ATP6V0C: variants seen among roughly 807,000 people sequenced by gnomAD.
ATP6V0C encodes the protein V-type proton ATPase 16 kDa proteolipid subunit c.
ATP6V0C carries 2 observed loss-of-function variants against 10.6 expected under a neutral mutation model. The observed-to-expected ratio is 0.19, with a 90% CI of 0.08 to 0.59. The LOEUF (loss-of-function observed/expected upper bound fraction) is 0.59. ATP6V0C is among the 20% of genes least tolerant of loss of function. ATP6V0C has a pLI of 0.90. For missense variants in ATP6V0C, 89 were observed against 225.9 expected (o/e 0.39, Z 3.88); for synonymous variants, 128 against 101.3 (o/e 1.26, Z -1.59).
Position 2,519,421 on chromosome 16 carries a change from C to G in ATP6V0C, c.263+20C>G. The G allele has an allele frequency of 6.2e-7, 1 of 1,604,030 alleles. No homozygotes were observed. Among genetic ancestry groups the G allele is most frequent in the Non-Finnish European group, 8.5e-7 (1 of 1,173,232 alleles). ...CTACAAGTGAGCACTGGGGTCAGGC[C>G]CCTGCCCAGGGCTGGAGGACTGCAG... is the stretch of plus-strand genomic sequence containing the variant. On this transcript the variant is annotated intron_variant, in intron 2 of 2. Coordinates refer to ENST00000330398, the MANE Select transcript of ATP6V0C (RefSeq NM_001694.4).
At chr16:2,519,103 C>G in intron 1 of ATP6V0C, 115 bp from the exon 2 acceptor site, 2 of 1,249,948 alleles carry the variant, frequency 1.6e-6, no homozygotes, top group Non-Finnish European at 2.1e-6. Context: ...TCGGCTCCCC[C>G]TCTGCATGTG....
At chr16:2,515,434 C>G (rs550106567) in intron 1 of ATP6V0C, among the ~76,000 whole-genome samples, 14 of 152,318 alleles carry the variant, frequency 9.2e-5, no homozygotes, top group African/African-American at 3.4e-4. Flanking sequence ...CTGTAAACAC[C>G]TGTGGGGTGG....
chr16:2,513,881 C>A, upstream of ATP6V0C: 1 of 433,030 alleles, frequency 2.3e-6, no homozygotes, highest in Non-Finnish European at 4.2e-6. Flanking sequence ...CGCGTCTCCC[C>A]CACGGTGCGA....
Position 2,520,208 on chromosome 16 carries a change from C to A in ATP6V0C, c.*463C>A, listed in dbSNP as rs1294874866. Reference sequence around the variant, plus strand: ...GCGCGGAGCTGTGTCCAATAAAGTTCTTGGATGTGACGGGCCTGTGTCTGC... The same window carrying A: ...GCGCGGAGCTGTGTCCAATAAAGTTATTGGATGTGACGGGCCTGTGTCTGC... On this transcript the variant is annotated 3_prime_UTR_variant, in exon 3 of 3. Transcript: ENST00000330398. 6.9e-6 allele frequency: 3 copies of A among 433,630 alleles called. No individual in the cohort carries two copies. The highest frequency in any genetic ancestry group is 4.6e-5 in the African/African-American group (2 of 43,388). 26.9% of individuals were successfully genotyped at this position (433,630 alleles called of 1,614,324 possible). A position where few individuals can be genotyped will look rare whatever the true frequency, so the allele number is the denominator to read the frequency against.
At chr16:2,518,502 G>A (rs72768732) in intron 1 of ATP6V0C, among the ~76,000 whole-genome samples, 2,559 of 152,282 alleles carry the variant, frequency 0.017, 31 homozygotes, top group South Asian at 0.029. Context: ...GATGATCCCC[G>A]TCGTCTTCTC....
At chr16:2,517,143 C>G (rs1328871462) in intron 1 of ATP6V0C, 1 of 152,454 alleles carries the variant, frequency 6.6e-6, no homozygotes, top group East Asian at 1.9e-4. Flanking sequence ...TGGATGTGGT[C>G]CTGGGCCTGC....
chr16:2,515,661 C>T (rs1032305254), intron 1 of ATP6V0C, among the ~76,000 whole-genome samples: 6 of 152,220 alleles, frequency 3.9e-5, no homozygotes, highest in Non-Finnish European at 8.8e-5. Context: ...CCAGCCTCCT[C>T]TGTTCTTTGC....
Position 2,519,795 on chromosome 16 carries a change from C to G in ATP6V0C, c.*50C>G, listed in dbSNP as rs1804139. 1 of 1,580,654 alleles carries G rather than the reference C, an allele frequency of 6.3e-7. No individual in the cohort carries two copies. The highest frequency in any genetic ancestry group is 2.3e-5 in the East Asian group (1 of 44,246). On this transcript the variant is annotated 3_prime_UTR_variant, in exon 3 of 3. Coordinates refer to ENST00000330398, the MANE Select transcript of ATP6V0C (RefSeq NM_001694.4). ...AGAATATTATGTAAAGACCACCCCT[C>G]CTCATTCCAGAACGAACAGCCTGAC... is the stretch of plus-strand genomic sequence containing the variant.
In ATP6V0C at chr16:2,513,957, G is replaced by T; in HGVS notation, c.-147G>T. 1 of 666,338 alleles carries T rather than the reference G, an allele frequency of 1.5e-6. No homozygotes were observed. Among genetic ancestry groups the T allele is most frequent in the Non-Finnish European group, 2.5e-6 (1 of 408,042 alleles). The allele number at this position is 666,338 out of a possible 1,614,324, so 41.3% of individuals were successfully genotyped here. A position where few individuals can be genotyped will look rare whatever the true frequency, so the allele number is the denominator to read the frequency against. ...GCGGCCGCGGCCGCCATTTTGTTCT[G>T]CGGTGCTGGTATTTAGAGCGCAGCG... On this transcript the variant is annotated 5_prime_UTR_variant, in exon 1 of 3. Transcript: ENST00000330398.
chr16:2,517,707 G>GTTT (rs2065883622), intron 1 of ATP6V0C: 1 of 135,906 alleles, frequency 7.4e-6, no homozygotes, highest in Non-Finnish European at 1.6e-5. Context: ...CTGCAGGTCA[G>GTTT]GCTGTTTGTG....
In ATP6V0C at chr16:2,520,174, C is replaced by A; in HGVS notation, c.*429C>A. On this transcript the variant is annotated 3_prime_UTR_variant, in exon 3 of 3. Coordinates refer to ENST00000330398, the MANE Select transcript of ATP6V0C (RefSeq NM_001694.4). ...ATGGAGCCGCCCTCACCGCCGGGCC[C>A]GTGGCCCTGCGCGGAGCTGTGTCCA... The A allele has an allele frequency of 1.9e-6, 1 of 514,898 alleles. No homozygotes were observed. Among genetic ancestry groups the A allele is most frequent in the South Asian group, 1.9e-5 (1 of 53,132 alleles). 31.9% of individuals were successfully genotyped at this position (514,898 alleles called of 1,614,324 possible). A position where few individuals can be genotyped will look rare whatever the true frequency, so the allele number is the denominator to read the frequency against.
At chr16:2,517,713 T>TTGTGTGTGTGTGTGTGTGTGTG (rs142726423) in intron 1 of ATP6V0C, 1 of 141,516 alleles carries the variant, frequency 7.1e-6, no homozygotes, top group South Asian at 2.3e-4. Flanking sequence ...GTCAGGCTGT[T>TTGTGTGTGTGTGTGTGTGTGTG]TGTGTGTGTG....
rs748200806 is a variant in ATP6V0C, at chr16:2,519,523, C to T, written c.264-18C>T. ...GGTTGGCAGGCTGCTGATGTCAGTC[C>T]TCTCTTCTCGCCCCCAGGAGCTTCC... On this transcript the variant is annotated intron_variant, in intron 2 of 2. Coordinates refer to ENST00000330398, the MANE Select transcript of ATP6V0C (RefSeq NM_001694.4). 2.7e-5 allele frequency: 41 copies of T among 1,543,498 alleles called. No individual in the cohort carries two copies. In the South Asian group the frequency reaches 3.9e-4, roughly 15 times the overall value.
Position 2,519,331 on chromosome 16 carries a change from A to G in ATP6V0C, c.193A>G (p.Ile65Val), listed in dbSNP as rs941952776. Residue 65 changes from isoleucine (I) to valine (V), a missense_variant, in exon 2 of 3, where the codon ATC becomes GTC. By Grantham distance (29) the Ile-to-Val change is conservative. This residue lies in a region of ATP6V0C where 18 missense variants were observed against 79.5 expected (regional missense o/e 0.23). Transcript: ENST00000330398. ...CATCCCAGTGGTCATGGCTGGCATC[A>G]TCGCCATCTACGGCCTGGTGGTGGC... Reference protein sequence around the residue: ...SIIPVVMAGIIAIYGLVVAVL... With the variant: ...SIIPVVMAGIVAIYGLVVAVL... 1.9e-6 allele frequency: 3 copies of G among 1,614,038 alleles called. No individual in the cohort carries two copies. The highest frequency in any genetic ancestry group is 2.7e-5 in the African/African-American group (2 of 74,932).
At chr16:2,513,882 C>T (rs2065862538), upstream of ATP6V0C, 1 of 435,990 alleles carries the variant, frequency 2.3e-6, no homozygotes. Context: ...GCGTCTCCCC[C>T]ACGGTGCGAA....
At position 2,519,739 on chromosome 16, in the gene ATP6V0C, A is replaced by G. The variant is rs2065899166; in HGVS notation, c.462A>G (p.Thr154=). The G allele has an allele frequency of 1.3e-6, 2 of 1,598,602 alleles. No homozygotes were observed. Among genetic ancestry groups the G allele is most frequent in the Non-Finnish European group, 1.7e-6 (2 of 1,169,334 alleles). ...YGLIVALILS[T]K ...TCATCGTCGCCCTCATCCTCTCCAC[A>G]AAGTAGACCCTCTCCGAGCCCACCA... The change falls in exon 3 of 3, where the codon ACA becomes ACG. Residue 154 remains threonine, a synonymous_variant. Coordinates refer to ENST00000330398, the MANE Select transcript of ATP6V0C (RefSeq NM_001694.4).
At position 2,520,048 on chromosome 16, in the gene ATP6V0C, C is replaced by A; in HGVS notation, c.*303C>A. The A allele has an allele frequency of 3.1e-6, 2 of 644,722 alleles. No individual in the cohort carries two copies. Among genetic ancestry groups the A allele is most frequent in the Non-Finnish European group, 2.9e-6 (1 of 349,448 alleles). The allele number at this position is 644,722 out of a possible 1,614,324, so 39.9% of individuals were successfully genotyped here. On this transcript the variant is annotated 3_prime_UTR_variant, in exon 3 of 3. Coordinates refer to ENST00000330398, the MANE Select transcript of ATP6V0C (RefSeq NM_001694.4). ...TTACTGGATGTTTATTTATAAAGAT[C>A]TGGCCTGTTCCTGCGTCTGCGGAGC...
At chr16:2,513,769 C>T, upstream of ATP6V0C, 1 of 177,308 alleles carries the variant, frequency 5.6e-6, no homozygotes, top group Non-Finnish European at 1.2e-5. Context: ...CCGGAAACAC[C>T]CGCGGAGGCC....
chr16:2,519,891 G>A lies in ATP6V0C; in HGVS notation c.*146G>A. ...CGCAGTGTCCTAGTGCCCATCGTCT[G>A]TTTCCCCGGCCTTGCCCCCGCCCGC... On this transcript the variant is annotated 3_prime_UTR_variant, in exon 3 of 3. Coordinates refer to ENST00000330398, the MANE Select transcript of ATP6V0C (RefSeq NM_001694.4). 8.4e-7 allele frequency: 1 copy of A among 1,183,860 alleles called. No homozygotes were observed. The highest frequency in any genetic ancestry group is 1.2e-6 in the Non-Finnish European group (1 of 821,462). 73.3% of individuals were successfully genotyped at this position (1,183,860 alleles called of 1,614,324 possible).
Sources: gnomAD v4.1 joint callset for allele counts (sites outside exome capture counted in the v4.1 genomes callset) on GRCh38, gnomAD v4.1.1 for gene constraint, gnomAD v4.1.1 regional missense constraint, MANE v1.5 for transcripts, NCBI Gene and HGNC (gene_info 2026-07-23, HGNC 2026-07-21) for gene names.